KCNN2: variants seen among roughly 807,000 people sequenced by gnomAD.
KCNN2 encodes the protein potassium calcium-activated channel subfamily N member 2.
Under a neutral mutation model 55.5 loss-of-function variants are expected in KCNN2, and 24 were observed. The observed-to-expected ratio is 0.43, with a 90% CI of 0.31 to 0.61. The LOEUF (loss-of-function observed/expected upper bound fraction) is 0.61. Among genes scored for constraint, KCNN2 ranks in the 20% least tolerant of loss-of-function variants. KCNN2 has a pLI of 0.08. For synonymous variants in KCNN2, 431 were observed against 336.1 expected (o/e 1.28, Z -3.09); for missense variants, 754 against 853.6 (o/e 0.88, Z 1.45).
At chr5:114,397,298 A>G (rs1275055704) in intron 2 of KCNN2, among the ~76,000 whole-genome samples, 4 of 152,156 alleles carry the variant, frequency 2.6e-5, no homozygotes, top group Non-Finnish European at 1.5e-5. Context: ...GAAATCATCA[A>G]ATTGCTTTCC....
intron 1 of KCNN2, among the ~76,000 whole-genome samples, chr5:114,092,861 C>T (rs560854927): frequency 1.3e-5 from 2 of 152,310 alleles, no homozygotes; most frequent in Admixed American, 6.5e-5. Flanking sequence ...AGGCCTTGGG[C>T]CTGGCCCATG....
At chr5:114,228,038 G>A (rs1452667923) in intron 2 of KCNN2, among the ~76,000 whole-genome samples, 1 of 151,710 alleles carries the variant, frequency 6.6e-6, no homozygotes, top group Non-Finnish European at 1.5e-5. Context: ...GATGAAAGAA[G>A]AAGGAGATGA....
At chr5:114,265,930 G>C (rs1316665116) in intron 2 of KCNN2, among the ~76,000 whole-genome samples, 3 of 152,034 alleles carry the variant, frequency 2.0e-5, no homozygotes, top group African/African-American at 7.2e-5. Context: ...AGAAGACAGG[G>C]CTGATCTCAC....
At chr5:114,360,334 C>T (rs953699167), upstream of KCNN2, among the ~76,000 whole-genome samples, 17 of 152,232 alleles carry the variant, frequency 1.1e-4, no homozygotes, top group African/African-American at 4.1e-4. Context: ...ACCAGGTAAG[C>T]AACTTTAGGG....
intron 1 of KCNN2, among the ~76,000 whole-genome samples, chr5:114,166,437 C>A (rs1057494832): frequency 6.6e-6 from 1 of 152,088 alleles, no homozygotes; most frequent in East Asian, 1.9e-4. Context: ...TTTAGAGTGG[C>A]CTTTGCAAAC....
chr5:114,346,042 A>G (rs1304539967), intron 2 of KCNN2, among the ~76,000 whole-genome samples: 1 of 152,076 alleles, frequency 6.6e-6, no homozygotes, highest in Non-Finnish European at 1.5e-5. Flanking sequence ...ACAGCCTCCC[A>G]AAATGTTGGG....
At chr5:114,420,554 TC>T (rs1414786743) in intron 3 of KCNN2, among the ~76,000 whole-genome samples, 2 of 152,206 alleles carry the variant, frequency 1.3e-5, no homozygotes, top group African/African-American at 4.8e-5. Flanking sequence ...TACTAAGACC[TC>T]TTATGAAGTT....
chr5:114,362,688 GCACCACCAC>G lies in KCNN2; in HGVS notation c.557_565del (p.His186_His188del). ...GTCTGGGCTCCGGGCCCCCGCTCTC[GCACCACCAC>G]CACCACCCGCACCCGGCGCACCACC... On this transcript the variant is annotated inframe_deletion, in exon 1 of 8. Coordinates refer to ENST00000673685, the MANE Select transcript of KCNN2 (RefSeq NM_021614.4). 1 of 1,453,552 alleles carries G rather than the reference GCACCACCAC, an allele frequency of 6.9e-7. No individual in the cohort carries two copies. The highest frequency in any genetic ancestry group is 2.5e-5 in the East Asian group (1 of 40,450). 90.0% of individuals were successfully genotyped at this position (1,453,552 alleles called of 1,614,324 possible).
At chr5:114,075,735 A>G (rs1024699686) in intron 1 of KCNN2, among the ~76,000 whole-genome samples, 16 of 150,264 alleles carry the variant, frequency 1.1e-4, no homozygotes, top group South Asian at 2.1e-4. Flanking sequence ...CTAAGGGGGC[A>G]TTAACAAATA....
chr5:114,487,281 C>CA, intron 6 of KCNN2, 104 bp downstream of exon 6: 1 of 1,005,102 alleles, frequency 9.9e-7, no homozygotes, highest in Non-Finnish European at 1.5e-6. Context: ...AAAACATTGT[C>CA]ATGTTTATTC....
At chr5:114,472,037 G>T (rs1387189197) in intron 4 of KCNN2, among the ~76,000 whole-genome samples, 1 of 152,154 alleles carries the variant, frequency 6.6e-6, no homozygotes, top group Admixed American at 6.5e-5. Flanking sequence ...AGACTAGCTG[G>T]GCAATGTCTA....
At chr5:114,326,461 A>G (rs1167219222) in intron 2 of KCNN2, among the ~76,000 whole-genome samples, 1 of 152,158 alleles carries the variant, frequency 6.6e-6, no homozygotes, top group African/African-American at 2.4e-5. Context: ...CTTTTGTTCT[A>G]TACCAACATG....
At chr5:114,296,778 A>AC (rs1756020158) in intron 2 of KCNN2, among the ~76,000 whole-genome samples, 1 of 152,218 alleles carries the variant, frequency 6.6e-6, no homozygotes, top group Non-Finnish European at 1.5e-5. Flanking sequence ...GAATAAGTAA[A>AC]TATTGTTTGT....
chr5:114,293,682 G>T (rs2150019047), intron 2 of KCNN2, among the ~76,000 whole-genome samples: 1 of 152,252 alleles, frequency 6.6e-6, no homozygotes, highest in South Asian at 2.1e-4. Context: ...GCGAGGCTTT[G>T]GTATCAGGAT....
intron 1 of KCNN2, chr5:114,056,564 A>T (rs1750213397): frequency 7.6e-6 from 3 of 396,208 alleles, no homozygotes; most frequent in Non-Finnish European, 1.3e-5. Context: ...AGCCTCCCCT[A>T]GGGAGGATAC....
intron 1 of KCNN2, among the ~76,000 whole-genome samples, chr5:114,133,131 T>C (rs1752104410): frequency 6.6e-6 from 1 of 152,196 alleles, no homozygotes; most frequent in Non-Finnish European, 1.5e-5. Context: ...AATGTCTATG[T>C]AATTAGGGCA....
chr5:114,192,936 C>A (rs116416628), intron 1 of KCNN2, among the ~76,000 whole-genome samples: 3,665 of 152,092 alleles, frequency 0.024, 153 homozygotes, highest in African/African-American at 0.083. Context: ...CTTTTTATTG[C>A]CAACTGATTG....
At chr5:114,323,170 C>T (rs1170427999) in intron 2 of KCNN2, among the ~76,000 whole-genome samples, 1 of 152,208 alleles carries the variant, frequency 6.6e-6, no homozygotes, top group East Asian at 1.9e-4. Context: ...ATTACAGGTA[C>T]CTAATTTCAA....
intron 2 of KCNN2, among the ~76,000 whole-genome samples, chr5:114,388,017 T>C (rs1015656088): frequency 1.3e-5 from 2 of 152,250 alleles, no homozygotes; most frequent in South Asian, 2.1e-4. Context: ...CATGCTCTTA[T>C]GTGTTCACTA....
Sources: allele counts gnomAD v4.1 joint callset (sites outside exome capture counted in the v4.1 genomes callset), GRCh38; gene constraint gnomAD v4.1.1; transcripts MANE v1.5; gene names NCBI Gene and HGNC (gene_info 2026-07-23, HGNC 2026-07-21).